Variants in RBCK1 observed in about 807,000 individuals in gnomAD.
RBCK1 encodes the protein RANBP2-type and C3HC4-type zinc finger containing 1.
In RBCK1, 44 loss-of-function variants were observed where a neutral mutation model predicts 71.1. The observed-to-expected ratio is 0.62, with a 90% CI of 0.49 to 0.80. RBCK1 has a LOEUF of 0.80. Ranked by LOEUF, RBCK1 falls within the 30% of genes least tolerant of loss-of-function variation. RBCK1 has a pLI of 0.00. For missense variants in RBCK1, 569 were observed against 685.0 expected (o/e 0.83, Z 1.89); for synonymous variants, 306 against 279.7 (o/e 1.09, Z -0.94).
intron 6 of RBCK1, chr20:420,353 C>A (rs763860228): frequency 6.3e-4 from 617 of 984,842 alleles, no homozygotes; most frequent in Middle Eastern, 5.2e-3. Context: ...CCATTCTGAT[C>A]TCACCCCTGG....
chr20:419,305 G>A lies in RBCK1; in HGVS notation c.461-42G>A, dbSNP rs752901453. 5 of 1,610,322 alleles carry A rather than the reference G, an allele frequency of 3.1e-6. No individual in the cohort carries two copies. In the East Asian group the frequency reaches 6.7e-5, roughly 22 times the overall value. On this transcript the variant is annotated intron_variant, in intron 4 of 11. Coordinates refer to ENST00000356286, the MANE Select transcript of RBCK1 (RefSeq NM_031229.4). ...ACCCACCCCCATGGGTGTGGACCAAGTGGGCCGCGTGGAACCACCACCCTT... is the reference window on the plus strand; with the variant it reads ...ACCCACCCCCATGGGTGTGGACCAAATGGGCCGCGTGGAACCACCACCCTT...
rs1179360558 is a variant in RBCK1, at chr20:431,059, G to A, written c.*629G>A. 6.6e-6 allele frequency: 1 copy of A among 152,560 alleles called. No homozygotes were observed. Among genetic ancestry groups the A allele is most frequent in the East Asian group, 1.9e-4 (1 of 5,196 alleles). 9.5% of individuals were successfully genotyped at this position (152,560 alleles called of 1,614,324 possible). On this transcript the variant is annotated 3_prime_UTR_variant, in exon 12 of 12. Coordinates refer to ENST00000356286, the MANE Select transcript of RBCK1 (RefSeq NM_031229.4). The surrounding 1 kb of genome is among the most constrained non-coding windows in gnomAD (Gnocchi z 4.8). ...CCTGAGGTCTCTGGGAACTGCATCA[G>A]AAAGTTGACTTGTCAGTCCATCTGT...
chr20:422,507 T>C lies in RBCK1; in HGVS notation c.1029+269T>C, dbSNP rs2016499727. Among the ~76,000 whole-genome samples the C allele has an allele frequency of 7.8e-6, 1 of 127,874 alleles. No homozygotes were observed. The highest frequency in any genetic ancestry group is 1.7e-5 in the Non-Finnish European group (1 of 60,258). The allele number at this position is 127,874 out of a possible 152,430, so 83.9% of individuals were successfully genotyped here. Reference sequence around the variant, plus strand: ...GAGTAGCTAGTCAAGAAACCACATCTATGAAGGAAGGACAGCAGAGTTGTT... The same window carrying C: ...GAGTAGCTAGTCAAGAAACCACATCCATGAAGGAAGGACAGCAGAGTTGTT... On this transcript the variant is annotated intron_variant, in intron 8 of 11. Transcript: ENST00000356286. The surrounding 1 kb of genome is among the most constrained non-coding windows in gnomAD (Gnocchi z 5.0).
chr20:427,213 G>C (rs1335669782), intron 8 of RBCK1, 100 bp from the exon 9 acceptor site: 1 of 1,174,434 alleles, frequency 8.5e-7, no homozygotes, highest in African/African-American at 1.5e-5. Context: ...GGCTGGGTTG[G>C]AGTTTCTGGG....
chr20:420,805 C>G, intron 6 of RBCK1, 66 bp from the exon 7 acceptor site: 1 of 1,455,474 alleles, frequency 6.9e-7, no homozygotes, highest in Non-Finnish European at 9.2e-7. Context: ...CTGGCCCTTC[C>G]CCCTTCGGGG....
intron 2 of RBCK1, chr20:410,548 G>T: frequency 1.3e-6 from 1 of 779,766 alleles, no homozygotes; most frequent in Non-Finnish European, 2.4e-6. Flanking sequence ...GTTAATTCCT[G>T]TGGACCAGAA....
intron 8 of RBCK1, among the ~76,000 whole-genome samples, chr20:424,728 G>C (rs943026988): frequency 1.3e-5 from 2 of 152,182 alleles, no homozygotes; most frequent in African/African-American, 4.8e-5. Context: ...GTCCACCCCA[G>C]CCAAGGGGCA....
rs2015493702 is a variant in RBCK1 at position 408,395 on chromosome 20, G to A, written c.-363G>A. On this transcript the variant is annotated 5_prime_UTR_variant, in exon 1 of 12. Transcript: ENST00000356286. ...TTTGCCTTGAAACCCGGGACGCCAG[G>A]GGCGCTCCCGCAAGTGGGGGTCCTC... 9.5e-6 allele frequency: 4 copies of A among 421,050 alleles called. No individual in the cohort carries two copies. Among genetic ancestry groups the A allele is most frequent in the Non-Finnish European group, 1.3e-5 (3 of 233,976 alleles). 26.1% of individuals were successfully genotyped at this position (421,050 alleles called of 1,614,324 possible).
intron 9 of RBCK1, among the ~76,000 whole-genome samples, chr20:427,968 G>A (rs1205260885): frequency 1.3e-5 from 2 of 152,158 alleles, no homozygotes; most frequent in Non-Finnish European, 2.9e-5. Context: ...CTCCACCCGT[G>A]TCCTCAACTG....
At chr20:419,760 C>T (rs1473811929) in intron 6 of RBCK1, 29 bp downstream of exon 6, 5 of 1,533,018 alleles carry the variant, frequency 3.3e-6, no homozygotes, top group Admixed American at 3.9e-5. Flanking sequence ...GGACAGACAC[C>T]TGCAGACCGC....
chr20:410,802 A>G (rs1197047882), intron 2 of RBCK1: 1 of 423,572 alleles, frequency 2.4e-6, no homozygotes, highest in Non-Finnish European at 4.3e-6. Context: ...TAGTAAGGCA[A>G]TAGTTTTATG....
intron 8 of RBCK1, among the ~76,000 whole-genome samples, chr20:427,032 A>T (rs1203065989): frequency 6.6e-6 from 1 of 151,638 alleles, no homozygotes; most frequent in African/African-American, 2.4e-5. Context: ...ATGAGGTCTC[A>T]CTGTATTTCT....
rs746777664 is a variant in RBCK1, at chr20:428,453, G to A, written c.1210-38G>A. On this transcript the variant is annotated intron_variant, in intron 9 of 11. Coordinates refer to ENST00000356286, the MANE Select transcript of RBCK1 (RefSeq NM_031229.4). The surrounding 1 kb of genome is among the most constrained non-coding windows in gnomAD (Gnocchi z 5.7). ...ACCTCTCCCAGCTTCTTAACCCCCT[G>A]AGGAACCTTCTTACCTTGAGTCCCT... is the stretch of plus-strand genomic sequence containing the variant. 17 of 1,499,576 alleles carry A rather than the reference G, an allele frequency of 1.1e-5. No homozygotes were observed. Among genetic ancestry groups the A allele is most frequent in the South Asian group, 7.5e-5 (6 of 79,894 alleles). 92.9% of individuals were successfully genotyped at this position (1,499,576 alleles called of 1,614,324 possible).
rs1179540563 is a variant in RBCK1, at chr20:432,023, C to G, written c.*1593C>G. 5.3e-5 allele frequency among the ~76,000 whole-genome samples: 8 copies of G among 152,236 alleles called. No homozygotes were observed. Among genetic ancestry groups the G allele is most frequent in the Admixed American group, 5.2e-4 (8 of 15,290 alleles). On this transcript the variant is annotated 3_prime_UTR_variant, in exon 12 of 12. Coordinates refer to ENST00000356286, the MANE Select transcript of RBCK1 (RefSeq NM_031229.4). The surrounding 1 kb of genome is among the most constrained non-coding windows in gnomAD (Gnocchi z 4.3). ...CAGAGATTGTTCTCTTGTGGTACCA[C>G]AGGCTGTAACCAGTCCACCCAGTGT...
chr20:425,734 C>G (rs574254155), intron 8 of RBCK1, among the ~76,000 whole-genome samples: 1 of 150,578 alleles, frequency 6.6e-6, no homozygotes, highest in African/African-American at 2.4e-5. Context: ...TCAAACGATT[C>G]TCCTGCCTCA....
chr20:417,533 G>C lies in RBCK1; in HGVS notation c.175G>C (p.Val59Leu), dbSNP rs751582683. ...VSPTQDIRLW[V>L]SVEDAQMHTV... ...CCCTGCTGTTCTCTGCAGGCTGTGG[G>C]TGAGCGTGGAGGATGCTCAGATGCA... Residue 59 changes from valine to leucine, a missense_variant, in exon 3 of 12, where the codon GTG becomes CTG. Coordinates refer to ENST00000356286, the MANE Select transcript of RBCK1 (RefSeq NM_031229.4). This position sits in a 1 kb window ranked among gnomAD's most constrained non-coding sequence, Gnocchi z 4.7. The C allele has an allele frequency of 1.1e-5, 18 of 1,613,200 alleles. No individual in the cohort carries two copies. Among genetic ancestry groups the C allele is most frequent in the Admixed American group, 3.3e-5 (2 of 60,010 alleles).
At chr20:410,509 A>G (rs760395382) in intron 2 of RBCK1, 2 of 779,806 alleles carry the variant, frequency 2.6e-6, no homozygotes, top group Non-Finnish European at 2.4e-6. Context: ...TCTAAAGAGC[A>G]TAGCTCAAAA....
chr20:427,589 A>G, intron 9 of RBCK1, 97 bp downstream of exon 9: 1 of 1,339,732 alleles, frequency 7.5e-7, no homozygotes, highest in South Asian at 1.3e-5. Flanking sequence ...GAGCTGTGAC[A>G]CTGGCCTGCT....
At chr20:416,313 G>T (rs2015988343) in intron 2 of RBCK1, among the ~76,000 whole-genome samples, 1 of 151,780 alleles carries the variant, frequency 6.6e-6, no homozygotes, top group Non-Finnish European at 1.5e-5. Flanking sequence ...CCGCCACCGT[G>T]CCTGGCTAAT....
Sources: gnomAD v4.1 joint callset for allele counts (sites outside exome capture counted in the v4.1 genomes callset) on GRCh38, gnomAD v4.1.1 for gene constraint, Gnocchi (gnomAD v3.1) non-coding constraint, MANE v1.5 for transcripts, NCBI Gene and HGNC (gene_info 2026-07-23, HGNC 2026-07-21) for gene names.